Variants in ALS2 observed in about 807,000 individuals in gnomAD.
The protein encoded by ALS2 is alsin Rho guanine nucleotide exchange factor ALS2, also known as alsin.
Under a neutral mutation model 203.4 loss-of-function variants are expected in ALS2, and 117 were observed. The observed-to-expected ratio is 0.58, with a 90% CI of 0.50 to 0.67. The LOEUF is 0.67. ALS2 is among the 30% of genes least tolerant of loss of function. The pLI is 0.00. For missense variants in ALS2, 1,715 were observed against 1,989.4 expected, an observed-to-expected ratio of 0.86 and a Z score of 2.62; for synonymous variants, 718 against 725.9, an observed-to-expected ratio of 0.99 and a Z score of 0.17.
intron 31 of ALS2, 34 bp from the exon 32 acceptor site, chr2:201,704,637 T>A (rs1240092478): frequency 2.5e-6 from 4 of 1,613,002 alleles, no homozygotes; most frequent in Admixed American, 1.7e-5. Context: ...AGACATCCTA[T>A]AATTTTCTTA....
At chr2:201,708,434 G>T (rs371787875) in intron 27 of ALS2, among the ~76,000 whole-genome samples, 2 of 152,310 alleles carry the variant, frequency 1.3e-5, no homozygotes, top group East Asian at 1.9e-4. Context: ...AGGCACATAT[G>T]TAGTTGTGTT....
chr2:201,756,720 G>A (rs1487874783), intron 5 of ALS2, among the ~76,000 whole-genome samples: 1 of 152,236 alleles, frequency 6.6e-6, no homozygotes, highest in Admixed American at 6.5e-5. Context: ...GAAAAAGTCT[G>A]CCAAATCCTG....
In ALS2 at chr2:201,733,323, G is replaced by C. The variant is rs1181142256; in HGVS notation, c.2533C>G (p.His845Asp). 8.1e-6 allele frequency: 13 copies of C among 1,613,722 alleles called. No homozygotes were observed. The highest frequency in any genetic ancestry group is 1.7e-5 in the Admixed American group (1 of 60,002). The change falls in exon 13 of 34, where the codon CAT (histidine) becomes GAT (aspartate). Residue 845 changes from histidine to aspartate, a missense_variant. This residue lies in a region of ALS2 where 1,227 missense variants were observed against 1,413.5 expected (regional missense o/e 0.87). Coordinates refer to ENST00000264276, the MANE Select transcript of ALS2 (RefSeq NM_020919.4). Reference sequence around the variant, plus strand: ...TTTAGCAAAACTTTTGCGTAATTATGAAGTCGTCTGATTGGCAAGAAAAAC... The same window carrying C: ...TTTAGCAAAACTTTTGCGTAATTATCAAGTCGTCTGATTGGCAAGAAAAAC... ...TLFFLPIRRL[H>D]NYAKVLLKLA...
chr2:201,758,971 A>C lies in ALS2; in HGVS notation c.1114-1212T>G, dbSNP rs114933443. On this transcript the variant is annotated intron_variant, in intron 4 of 33. Coordinates refer to ENST00000264276, the MANE Select transcript of ALS2 (RefSeq NM_020919.4). ...AACAAATATACTTAATAAAACGAAA[A>C]AGAAATACAAAGCCTATTACTTCTT... Among the ~76,000 whole-genome samples the C allele has an allele frequency of 1.0e-3, 159 of 152,322 alleles. 1 individual carries two copies. Among genetic ancestry groups the C allele is most frequent in the African/African-American group, 3.6e-3 (148 of 41,592 alleles).
At position 201,700,717 on chromosome 2, in the gene ALS2, ACT is replaced by A. The variant is rs1689334138; in HGVS notation, c.*1132_*1133del. On this transcript the variant is annotated 3_prime_UTR_variant, in exon 34 of 34. Transcript: ENST00000264276. ...TCAGTCACTTAACACAAATCAGGACACTCTGTATGCTCACCACGGTGTAGGAG... is the reference window on the plus strand; with the variant it reads ...TCAGTCACTTAACACAAATCAGGACACTGTATGCTCACCACGGTGTAGGAG... The A allele has an allele frequency of 3.3e-5, 5 of 152,622 alleles. No individual in the cohort carries two copies. Among genetic ancestry groups the A allele is most frequent in the Admixed American group, 3.3e-4 (5 of 15,282 alleles). 9.5% of individuals were successfully genotyped at this position (152,622 alleles called of 1,614,324 possible). A position where few individuals can be genotyped will look rare whatever the true frequency, so the allele number is the denominator to read the frequency against.
At chr2:201,778,636 G>A (rs1325569442) in intron 1 of ALS2, 2 of 152,062 alleles carry the variant, frequency 1.3e-5, no homozygotes, top group Non-Finnish European at 1.5e-5. Context: ...CTACAAAACC[G>A]AGTACTTTCT....
At chr2:201,773,715 A>C (rs535234610) in intron 1 of ALS2, among the ~76,000 whole-genome samples, 6 of 152,290 alleles carry the variant, frequency 3.9e-5, no homozygotes, top group African/African-American at 1.4e-4. Context: ...GACAATAGAT[A>C]ATGTCATTGG....
At chr2:201,715,589 T>G in intron 25 of ALS2, 83 bp downstream of exon 25, 2 of 1,499,318 alleles carry the variant, frequency 1.3e-6, no homozygotes, top group South Asian at 1.1e-5. Context: ...TTAAATTAAA[T>G]GTGGTGAGCC....
At chr2:201,775,795 T>G (rs369770894) in intron 1 of ALS2, among the ~76,000 whole-genome samples, 1 of 152,198 alleles carries the variant, frequency 6.6e-6, no homozygotes, top group Admixed American at 6.5e-5. Flanking sequence ...ATTAAGGCAT[T>G]GGATATATTC....
At chr2:201,705,499 A>G (rs1353507301) in intron 29 of ALS2, 38 bp from the exon 30 acceptor site, 1 of 1,552,304 alleles carries the variant, frequency 6.4e-7, no homozygotes, top group Admixed American at 1.7e-5. Context: ...ATAAGTTGTT[A>G]CTTATGGTAA....
At chr2:201,711,258 C>T in intron 25 of ALS2, 150 bp from the exon 26 acceptor site, 1 of 623,086 alleles carries the variant, frequency 1.6e-6, no homozygotes, top group Non-Finnish European at 2.9e-6. Context: ...TCATCACGAT[C>T]CTGCTATTAG....
chr2:201,728,697 A>G, intron 14 of ALS2, 57 bp from the exon 15 acceptor site: 2 of 1,575,480 alleles, frequency 1.3e-6, no homozygotes, highest in Non-Finnish European at 1.7e-6. Flanking sequence ...TTTAACATGT[A>G]AAGAGAAAAT....
intron 25 of ALS2, among the ~76,000 whole-genome samples, chr2:201,712,823 C>T (rs957204551): frequency 1.1e-4 from 17 of 151,820 alleles, no homozygotes; most frequent in Admixed American, 1.1e-3. Flanking sequence ...TGAACAAGTA[C>T]ATCTGTAACT....
chr2:201,730,331 G>A (rs1691478673), intron 13 of ALS2, among the ~76,000 whole-genome samples: 1 of 152,130 alleles, frequency 6.6e-6, no homozygotes, highest in South Asian at 2.1e-4. Context: ...TCGGTTGACT[G>A]AATTATGCAG....
At chr2:201,728,425 T>G in intron 15 of ALS2, 87 bp downstream of exon 15, 1 of 1,544,958 alleles carries the variant, frequency 6.5e-7, no homozygotes, top group Non-Finnish European at 8.9e-7. Flanking sequence ...AAAATCACAC[T>G]AGTTTTGAAC....
chr2:201,773,409 T>G (rs1574810012), intron 1 of ALS2, among the ~76,000 whole-genome samples: 3 of 152,086 alleles, frequency 2.0e-5, no homozygotes, highest in Admixed American at 1.3e-4. Flanking sequence ...ACTTGGTGAT[T>G]AGACAAAGGT....
intron 25 of ALS2, among the ~76,000 whole-genome samples, chr2:201,712,910 T>C (rs570270668): frequency 3.7e-4 from 56 of 152,182 alleles, no homozygotes; most frequent in Non-Finnish European, 4.6e-4. Context: ...ATGCAGTCAT[T>C]TGAATTGCTG....
At chr2:201,763,121 T>C in intron 3 of ALS2, 1 of 206,574 alleles carries the variant, frequency 4.8e-6, no homozygotes, top group Non-Finnish European at 9.6e-6. Context: ...AATGGCCACT[T>C]GCTCCAAGGA....
chr2:201,713,206 G>A (rs986751705), intron 25 of ALS2, among the ~76,000 whole-genome samples: 7 of 132,966 alleles, frequency 5.3e-5, no homozygotes, highest in Non-Finnish European at 7.6e-5. Context: ...GCGCTATCTC[G>A]GCTCACTGCA....
Sources: gnomAD v4.1 joint callset for allele counts (sites outside exome capture counted in the v4.1 genomes callset) on GRCh38, gnomAD v4.1.1 for gene constraint, gnomAD v4.1.1 regional missense constraint, MANE v1.5 for transcripts, NCBI Gene and HGNC (gene_info 2026-07-23, HGNC 2026-07-21) for gene names.